Variants in DNAJB13 observed in about 807,000 individuals in gnomAD.
The protein encoded by DNAJB13 is dnaJ homolog subfamily B member 13.
In DNAJB13, 22 loss-of-function variants were observed where a neutral mutation model predicts 35.6. The ratio of observed to expected loss-of-function variants is 0.62; its 90% CI spans 0.44 to 0.88. The LOEUF (loss-of-function observed/expected upper bound fraction) is 0.88, where lower values mean the gene tolerates loss of function less well. Among genes scored for constraint, DNAJB13 ranks in the 40% least tolerant of loss-of-function variants. The probability of loss-of-function intolerance (pLI) is 0.00; values close to 1 mark genes in which losing one functional copy is unlikely to be tolerated. For missense variants in DNAJB13, 370 were observed against 384.3 expected (o/e 0.96, Z 0.31); for synonymous variants, 136 against 144.2 (o/e 0.94, Z 0.41).
intron 3 of DNAJB13, among the ~76,000 whole-genome samples, chr11:73,961,974 G>C (rs1285702659): frequency 6.6e-6 from 1 of 152,140 alleles, no homozygotes; most frequent in Non-Finnish European, 1.5e-5. Context: ...ATTTTGAGTA[G>C]AGATGGGGTT....
At chr11:73,956,371 G>T (rs780663746) in intron 1 of DNAJB13, among the ~76,000 whole-genome samples, 20 of 152,170 alleles carry the variant, frequency 1.3e-4, no homozygotes, top group Admixed American at 6.6e-5. Flanking sequence ...GAGGTCAAGG[G>T]AGCAGCAAGA....
chr11:73,958,273 AAC>A (rs780358384), intron 1 of DNAJB13, 42 bp from the exon 2 acceptor site: 18 of 1,602,286 alleles, frequency 1.1e-5, no homozygotes, highest in Non-Finnish European at 1.5e-5. Flanking sequence ...CGCCCTCAGA[AAC>A]AGACCAGCTG....
Position 73,958,348 on chromosome 11 carries a change from T to C in DNAJB13, c.100T>C (p.Leu34=), listed in dbSNP as rs1950820888. Residue 34 remains leucine, a synonymous_variant, in exon 2 of 8, where the codon TTG becomes CTG. Transcript: ENST00000339764. ...YRRLALKHHP[L]KSNEPSSAEI... Reference sequence around the variant, plus strand: ...CAGACTCGCCCTTAAGCACCACCCGTTGAAGTCAAATGAGCCGTCTTCAGC... The same window carrying C: ...CAGACTCGCCCTTAAGCACCACCCGCTGAAGTCAAATGAGCCGTCTTCAGC... 1 of 1,614,096 alleles carries C rather than the reference T, an allele frequency of 6.2e-7. No individual in the cohort carries two copies.
chr11:73,953,942 G>T (rs1353141758), intron 1 of DNAJB13, among the ~76,000 whole-genome samples: 1 of 150,524 alleles, frequency 6.6e-6, no homozygotes, highest in African/African-American at 2.4e-5. Flanking sequence ...GAGCGAGATT[G>T]CGCCACTGCA....
At chr11:73,960,285 C>T (rs1262760681) in intron 3 of DNAJB13, among the ~76,000 whole-genome samples, 1 of 152,176 alleles carries the variant, frequency 6.6e-6, no homozygotes, top group Non-Finnish European at 1.5e-5. Context: ...TCAAGCAGTT[C>T]TCCCTGCCTC....
rs201603763 is a variant in DNAJB13, at chr11:73,964,832, G to A, written c.335-46G>A. 896 of 1,311,692 alleles carry A rather than the reference G, an allele frequency of 6.8e-4. 1 individual carries two copies. Among genetic ancestry groups the A allele is most frequent in the Middle Eastern group, 1.1e-3 (4 of 3,688 alleles). The allele number at this position is 1,311,692 out of a possible 1,614,324, so 81.3% of individuals were successfully genotyped here. A position where few individuals can be genotyped will look rare whatever the true frequency, so the allele number is the denominator to read the frequency against. ...GTGTGTGCGCGCGCGCGCATGTCTG[G>A]GTCTCTGGATACAATTTCTCTTACT... On this transcript the variant is annotated intron_variant, in intron 3 of 7. Transcript: ENST00000339764.
chr11:73,951,091 G>T lies in DNAJB13; in HGVS notation c.22G>T (p.Val8Leu). ...AGCCATGGGCCAGGATTATTACTCT[G>T]TGCTCGGGATCACTCGCAATTCAGA... MGQDYYS[V>L]LGITRNSEDA... The change falls in exon 1 of 8, where the codon GTG becomes TTG. Residue 8 changes from valine to leucine, a missense_variant. Transcript: ENST00000339764. The T allele has an allele frequency of 1.2e-6, 2 of 1,614,118 alleles. No homozygotes were observed. The highest frequency in any genetic ancestry group is 1.7e-6 in the Non-Finnish European group (2 of 1,180,030).
At chr11:73,958,982 A>T (rs900455727) in intron 2 of DNAJB13, among the ~76,000 whole-genome samples, 1 of 152,194 alleles carries the variant, frequency 6.6e-6, no homozygotes, top group Non-Finnish European at 1.5e-5. Context: ...TGTCCTGGAG[A>T]CTAATCCTGG....
Position 73,966,160 on chromosome 11 carries a change from C to A in DNAJB13, c.515C>A (p.Ser172Tyr). 3.1e-6 allele frequency: 5 copies of A among 1,613,542 alleles called. No individual in the cohort carries two copies. Among genetic ancestry groups the A allele is most frequent in the Non-Finnish European group, 4.2e-6 (5 of 1,179,876 alleles). ...TAGGTGCTGAACGAGGATGGGTACT[C>A]CTCCACCATCAAGGACAAGATCCTG... The part of the protein sequence containing the change: ...SRRVLNEDGY[S>Y]STIKDKILTI... Residue 172 changes from serine to tyrosine, a missense_variant, in exon 5 of 8, where the codon TCC becomes TAC. Coordinates refer to ENST00000339764, the MANE Select transcript of DNAJB13 (RefSeq NM_153614.4).
intron 3 of DNAJB13, chr11:73,964,189 C>G (rs749125381): frequency 6.5e-6 from 1 of 152,824 alleles, no homozygotes; most frequent in Non-Finnish European, 1.5e-5. Flanking sequence ...ATGGGGCTGT[C>G]TTTGCACTGG....
In DNAJB13 at chr11:73,958,465, C is replaced by T; in HGVS notation, c.172+45C>T. The T allele has an allele frequency of 1.9e-6, 3 of 1,555,824 alleles. No homozygotes were observed. The South Asian group carries it at 3.4e-5, about 17-fold the overall frequency. ...AGCACCCCGCTTGATTAGGATCATT[C>T]CTTAAGTCTCTAGACTGTTGGGTTT... On this transcript the variant is annotated intron_variant, in intron 2 of 7. Coordinates refer to ENST00000339764, the MANE Select transcript of DNAJB13 (RefSeq NM_153614.4).
At chr11:73,959,850 C>A in intron 3 of DNAJB13, 195 bp downstream of exon 3, 1 of 404,316 alleles carries the variant, frequency 2.5e-6, no homozygotes, top group Non-Finnish European at 3.9e-6. Context: ...GCAACCTCTG[C>A]CTCCCGGGTT....
At chr11:73,951,180 A>C in intron 1 of DNAJB13, 43 bp downstream of exon 1, 2 of 1,610,822 alleles carry the variant, frequency 1.2e-6, no homozygotes. Context: ...GTGCTGGGGC[A>C]GGCCCTGCCC....
chr11:73,962,912 G>C (rs557703183), intron 3 of DNAJB13, among the ~76,000 whole-genome samples: 36 of 152,282 alleles, frequency 2.4e-4, no homozygotes, highest in African/African-American at 8.7e-4. Context: ...TTTGTGAACC[G>C]TGTGATCCTG....
At chr11:73,966,289 G>T (rs566406320) in intron 5 of DNAJB13, 38 bp downstream of exon 5, 2 of 1,578,568 alleles carry the variant, frequency 1.3e-6, no homozygotes, top group Non-Finnish European at 1.7e-6. Context: ...CAGTCACTGA[G>T]CTCAGGCGGT....
At position 73,970,265 on chromosome 11, in the gene DNAJB13, C is replaced by A; in HGVS notation, c.*151C>A. ...GGGCTTAAACTGACATAATAAAGAT[C>A]TATTTCCTGTCCTCCAGCTACACCC... On this transcript the variant is annotated 3_prime_UTR_variant, in exon 8 of 8. Coordinates refer to ENST00000339764, the MANE Select transcript of DNAJB13 (RefSeq NM_153614.4). The A allele has an allele frequency of 1.0e-6, 1 of 987,624 alleles. No homozygotes were observed. Among genetic ancestry groups the A allele is most frequent in the Non-Finnish European group, 1.4e-6 (1 of 712,602 alleles). The allele number at this position is 987,624 out of a possible 1,614,324, so 61.2% of individuals were successfully genotyped here.
chr11:73,958,212 G>A, intron 1 of DNAJB13, 105 bp from the exon 2 acceptor site: 1 of 1,179,474 alleles, frequency 8.5e-7, no homozygotes, highest in South Asian at 1.3e-5. Context: ...AAGTCACCCC[G>A]GATTTATAGC....
At chr11:73,963,040 A>C (rs1047407701) in intron 3 of DNAJB13, among the ~76,000 whole-genome samples, 2 of 152,186 alleles carry the variant, frequency 1.3e-5, no homozygotes, top group Admixed American at 1.3e-4. Context: ...GGGGCTTTGC[A>C]ATCGGCCGGG....
intron 1 of DNAJB13, among the ~76,000 whole-genome samples, chr11:73,951,682 T>C (rs1950589389): frequency 6.6e-6 from 1 of 152,212 alleles, no homozygotes; most frequent in Admixed American, 6.5e-5. Context: ...GTCTTGGTCT[T>C]GTTGCCCAGG....
Sources: allele counts gnomAD v4.1 joint callset (sites outside exome capture counted in the v4.1 genomes callset), GRCh38; gene constraint gnomAD v4.1.1; transcripts MANE v1.5; gene names NCBI Gene and HGNC (gene_info 2026-07-23, HGNC 2026-07-21).